The following SAMD14 variants were observed in gnomAD, a reference collection of about 807,000 sequenced individuals.
The protein encoded by SAMD14 is sterile alpha motif domain containing 14.
SAMD14 carries 27 observed loss-of-function variants against 46.2 expected under a neutral mutation model. The ratio of observed to expected loss-of-function variants is 0.58; its 90% confidence interval spans 0.43 to 0.81. The LOEUF (loss-of-function observed/expected upper bound fraction) is 0.81. SAMD14 is among the 30% of genes least tolerant of loss of function. SAMD14 has a pLI of 0.00. For missense variants in SAMD14, 559 were observed against 582.2 expected (o/e 0.96, Z 0.41); for synonymous variants, 241 against 254.3 (o/e 0.95, Z 0.50).
chr17:50,127,076 G>A (rs1911811100), intron 1 of SAMD14, among the ~76,000 whole-genome samples: 1 of 150,214 alleles, frequency 6.7e-6, no homozygotes, highest in Non-Finnish European at 1.5e-5. Flanking sequence ...CTCCAGCCTG[G>A]GTGACAAGAG....
intron 2 of SAMD14, among the ~76,000 whole-genome samples, chr17:50,118,865 G>A (rs796378707): frequency 2.7e-4 from 41 of 152,308 alleles, no homozygotes; most frequent in African/African-American, 9.6e-4. Context: ...ACAACCCGGT[G>A]GGGTTAGGAC....
At chr17:50,124,057 G>T (rs749195943) in intron 2 of SAMD14, 2 of 455,866 alleles carry the variant, frequency 4.4e-6, no homozygotes, top group Non-Finnish European at 8.8e-6. Flanking sequence ...TGGCATAGGA[G>T]CCCCTCGAGG....
chr17:50,118,316 C>T lies in SAMD14; in HGVS notation c.55G>A (p.Ala19Thr). Residue 19 changes from alanine (A) to threonine (T), a missense_variant, in exon 3 of 10, where the codon GCT (alanine) becomes ACT (threonine). Coordinates refer to ENST00000330175, the MANE Select transcript of SAMD14 (RefSeq NM_001257359.2). The part of the protein sequence containing the change: ...PVDEVFDLDL[A>T]VPETARLDSS... ...TCCAGTCTGGCCGTCTCTGGCACAG[C>T]CAAGTCCAGGTCTGCGAACCGGGGG... The T allele has an allele frequency of 6.2e-7, 1 of 1,613,108 alleles. No individual in the cohort carries two copies. The highest frequency in any genetic ancestry group is 8.5e-7 in the Non-Finnish European group (1 of 1,180,026).
Position 50,118,002 on chromosome 17 carries a change from T to C in SAMD14, c.210+159A>G, listed in dbSNP as rs886994436. 36 of 820,528 alleles carry C rather than the reference T, an allele frequency of 4.4e-5. No individual in the cohort carries two copies. In the African/African-American group the frequency reaches 6.0e-4, roughly 14 times the overall value. 50.8% of individuals were successfully genotyped at this position (820,528 alleles called of 1,614,324 possible). ...AATATCTTCTTTACACAGGATTAAA[T>C]GAGCCAGAAGTGAACTGCAGCTAAC... On this transcript the variant is annotated intron_variant, in intron 3 of 9. Coordinates refer to ENST00000330175, the MANE Select transcript of SAMD14 (RefSeq NM_001257359.2).
chr17:50,124,773 A>ACGCGCACGCG (rs1338694812), intron 2 of SAMD14, 144 bp downstream of exon 2: 1 of 336,670 alleles, frequency 3.0e-6, no homozygotes, highest in African/African-American at 3.1e-5. Context: ...GCGCGCGCGC[A>ACGCGCACGCG]CACACACACA....
At chr17:50,128,996 G>C (rs1179675218) in intron 1 of SAMD14, among the ~76,000 whole-genome samples, 1 of 152,236 alleles carries the variant, frequency 6.6e-6, no homozygotes, top group Non-Finnish European at 1.5e-5. Flanking sequence ...AGGTGGATGG[G>C]AAAGGAGACT....
intron 2 of SAMD14, among the ~76,000 whole-genome samples, chr17:50,121,366 A>G (rs1911494232): frequency 6.6e-6 from 1 of 151,436 alleles, no homozygotes; most frequent in Non-Finnish European, 1.5e-5. Flanking sequence ...CACCCAGGCT[A>G]GAGTGCAGTG....
rs1313078123 is a variant in SAMD14, at chr17:50,129,092, A to T, written c.-13+425T>A. 6.6e-6 allele frequency among the ~76,000 whole-genome samples: 1 copy of T among 152,068 alleles called. No homozygotes were observed. The highest frequency in any genetic ancestry group is 1.5e-5 in the Non-Finnish European group (1 of 67,992). On this transcript the variant is annotated intron_variant, in intron 1 of 9. Transcript: ENST00000330175. The surrounding 1 kb of genome is among the most constrained non-coding windows in gnomAD (Gnocchi z 5.6). ...CGTCCACTGGCCCCAGGCTTGGGGTAGTCCTCAGGAGTCGGGCACCCCCTC... is the reference window on the plus strand; with the variant it reads ...CGTCCACTGGCCCCAGGCTTGGGGTTGTCCTCAGGAGTCGGGCACCCCCTC...
intron 2 of SAMD14, among the ~76,000 whole-genome samples, chr17:50,119,004 C>A (rs765372819): frequency 6.6e-5 from 10 of 152,222 alleles, no homozygotes; most frequent in Non-Finnish European, 1.0e-4. Context: ...ACTGGCCCTA[C>A]TGGGGACACT....
At chr17:50,122,242 A>T (rs1028948109) in intron 2 of SAMD14, among the ~76,000 whole-genome samples, 3 of 152,162 alleles carry the variant, frequency 2.0e-5, no homozygotes, top group South Asian at 4.1e-4. Flanking sequence ...CTGTCTCCTC[A>T]TGCTGGCCTG....
Position 50,115,368 on chromosome 17 carries a change from A to G in SAMD14, c.822+196T>C, listed in dbSNP as rs1175922389. 6.6e-6 allele frequency among the ~76,000 whole-genome samples: 1 copy of G among 152,240 alleles called. No homozygotes were observed. Among genetic ancestry groups the G allele is most frequent in the Admixed American group, 6.5e-5 (1 of 15,282 alleles). On this transcript the variant is annotated intron_variant, in intron 7 of 9. Coordinates refer to ENST00000330175, the MANE Select transcript of SAMD14 (RefSeq NM_001257359.2). The surrounding 1 kb of genome is among the most constrained non-coding windows in gnomAD (Gnocchi z 5.3). ...CATTGACTGAATCAAGGAATGAACT[A>G]CTCAGAATATGAAGGAGTGGAAGAG... is the stretch of plus-strand genomic sequence containing the variant.
rs757629969 is a variant in SAMD14 at position 50,112,866 on chromosome 17, C to T, written c.*27G>A. On this transcript the variant is annotated 3_prime_UTR_variant, in exon 10 of 10. Transcript: ENST00000330175. ...CCGCGGAGCCAGTGGCTGCCCCTGCCGGGTGCCAGCGCCTGTGCACCCTCC... is the reference window on the plus strand; with the variant it reads ...CCGCGGAGCCAGTGGCTGCCCCTGCTGGGTGCCAGCGCCTGTGCACCCTCC... 40 of 1,587,524 alleles carry T rather than the reference C, an allele frequency of 2.5e-5. No homozygotes were observed. Among genetic ancestry groups the T allele is most frequent in the East Asian group, 6.7e-5 (3 of 44,666 alleles).
In SAMD14 at chr17:50,118,237, C is replaced by T. The variant is rs960994535; in HGVS notation, c.134G>A (p.Arg45Gln). The T allele has an allele frequency of 3.1e-6, 5 of 1,613,686 alleles. No individual in the cohort carries two copies. The highest frequency in any genetic ancestry group is 2.7e-5 in the African/African-American group (2 of 74,936). ...AQLLAKGRRH[R>Q]PSRSRLRDSA... The stretch of plus-strand genomic sequence containing the variant: ...GTCCCGAAGCCTGGAGCGGGATGGC[C>T]GGTGTCTCCGGCCCTTGGCCAACAG... Residue 45 changes from arginine (R) to glutamine (Q), a missense_variant, in exon 3 of 10, where the codon CGG becomes CAG. Arg to Gln is a conservative substitution (Grantham distance 43). Transcript: ENST00000330175.
chr17:50,117,496 G>A lies in SAMD14; in HGVS notation c.410C>T (p.Ala137Val). Residue 137 changes from alanine to valine, a missense_variant, in exon 4 of 10, where the codon GCC (alanine) becomes GTC (valine). Coordinates refer to ENST00000330175, the MANE Select transcript of SAMD14 (RefSeq NM_001257359.2). Reference protein sequence around the residue: ...NAASHEGLAAASCSPPRSAPS... With the variant: ...NAASHEGLAAVSCSPPRSAPS... Reference sequence around the variant, plus strand: ...CGCGGAGCGCGGCGGAGAGCAGGAGGCGGCGGCCAGGCCCTCGTGCGACGC... The same window carrying A: ...CGCGGAGCGCGGCGGAGAGCAGGAGACGGCGGCCAGGCCCTCGTGCGACGC... 6.9e-7 allele frequency: 1 copy of A among 1,452,058 alleles called. No homozygotes were observed. The highest frequency in any genetic ancestry group is 9.0e-7 in the Non-Finnish European group (1 of 1,112,020). The allele number at this position is 1,452,058 out of a possible 1,614,324, so 89.9% of individuals were successfully genotyped here. A position where few individuals can be genotyped will look rare whatever the true frequency, so the allele number is the denominator to read the frequency against.
intron 2 of SAMD14, 114 bp from the exon 3 acceptor site, chr17:50,118,441 T>G: frequency 7.8e-7 from 1 of 1,288,632 alleles, no homozygotes; most frequent in Middle Eastern, 2.7e-4. Context: ...CCCGTGTTCT[T>G]GAGTGCTGGG....
chr17:50,125,538 C>G (rs1029378271), intron 1 of SAMD14, among the ~76,000 whole-genome samples: 31 of 152,252 alleles, frequency 2.0e-4, no homozygotes, highest in African/African-American at 6.7e-4. Context: ...TACTTGCCTA[C>G]TCATCATCCA....
intron 1 of SAMD14, among the ~76,000 whole-genome samples, chr17:50,128,012 C>A (rs182031529): frequency 6.2e-4 from 95 of 152,312 alleles, no homozygotes; most frequent in Non-Finnish European, 2.9e-5. Flanking sequence ...CTCCCCCCCA[C>A]CAATCAGATG....
chr17:50,129,170 T>C lies in SAMD14; in HGVS notation c.-13+347A>G, dbSNP rs1361792566. Among the ~76,000 whole-genome samples, 1 of 152,082 alleles carries C rather than the reference T, an allele frequency of 6.6e-6. No individual in the cohort carries two copies. Among genetic ancestry groups the C allele is most frequent in the Non-Finnish European group, 1.5e-5 (1 of 67,998 alleles). ...TGGGGACAGGGCACCTACTCCACTCTCAGAGCCCTTCTCCCCAGTCAGAGC... is the reference window on the plus strand; with the variant it reads ...TGGGGACAGGGCACCTACTCCACTCCCAGAGCCCTTCTCCCCAGTCAGAGC... On this transcript the variant is annotated intron_variant, in intron 1 of 9. Transcript: ENST00000330175. This position sits in a 1 kb window ranked among gnomAD's most constrained non-coding sequence, Gnocchi z 5.6.
Position 50,116,400 on chromosome 17 carries a change from C to CTT in SAMD14, c.500-312_500-311dup, listed in dbSNP as rs10596441. On this transcript the variant is annotated intron_variant, in intron 4 of 9. Transcript: ENST00000330175. ...ATTTACTCAATTTTATCCTGGCCAA[C>CTT]TTTTTTTTTTTTTTTTTTTTTTGAG... 3.8e-3 allele frequency: 499 copies of CTT among 132,634 alleles called. 2 individuals are homozygous for CTT. Among genetic ancestry groups the CTT allele is most frequent in the African/African-American group, 0.011 (330 of 29,790 alleles). The allele number at this position is 132,634 out of a possible 1,614,324, so 8.2% of individuals were successfully genotyped here.
Sources: allele counts gnomAD v4.1 joint callset (sites outside exome capture counted in the v4.1 genomes callset), GRCh38; gene constraint gnomAD v4.1.1; non-coding constraint Gnocchi (gnomAD v3.1); transcripts MANE v1.5; gene names NCBI Gene and HGNC (gene_info 2026-07-23, HGNC 2026-07-21).